Variants in TCF7L1 observed in about 807,000 individuals in gnomAD.
The protein encoded by TCF7L1 is transcription factor 7 like 1.
Under a neutral mutation model 63.7 loss-of-function variants are expected in TCF7L1, and 18 were observed. The observed-to-expected ratio is 0.28, with a 90% confidence interval of 0.20 to 0.42. The LOEUF (loss-of-function observed/expected upper bound fraction) is 0.42. Among genes scored for constraint, TCF7L1 ranks in the 10% least tolerant of loss-of-function variants. TCF7L1 has a pLI of 1.00. For synonymous variants in TCF7L1, 355 were observed against 340.9 expected, an observed-to-expected ratio of 1.04 and a Z score of -0.46; for missense variants, 654 against 779.3, an observed-to-expected ratio of 0.84 and a Z score of 1.91.
intron 3 of TCF7L1, among the ~76,000 whole-genome samples, chr2:85,204,766 G>GAT (rs893428931): frequency 6.6e-6 from 1 of 152,042 alleles, no homozygotes; most frequent in African/African-American, 2.4e-5. Context: ...GTATGGGAGT[G>GAT]ATACCCTTGC....
chr2:85,209,154 T>G (rs1308200130), intron 3 of TCF7L1, among the ~76,000 whole-genome samples: 6 of 110,340 alleles, frequency 5.4e-5, no homozygotes, highest in Non-Finnish European at 9.9e-5. Context: ...TAGAACCAGC[T>G]GGCCTTCGTT....
At chr2:85,266,064 CAT>C (rs1558650878) in intron 3 of TCF7L1, among the ~76,000 whole-genome samples, 1 of 152,150 alleles carries the variant, frequency 6.6e-6, no homozygotes, top group Non-Finnish European at 1.5e-5. Context: ...GGTGGAAATA[CAT>C]GTTTCGTATC....
chr2:85,192,098 G>A (rs1679047030), intron 3 of TCF7L1, among the ~76,000 whole-genome samples: 1 of 152,238 alleles, frequency 6.6e-6, no homozygotes, highest in Admixed American at 6.5e-5. Context: ...CCCTGTGCCT[G>A]ATGGCAGGTG....
In TCF7L1 at chr2:85,302,536, C is replaced by T. The variant is rs1312991639; in HGVS notation, c.578C>T (p.Pro193Leu). Residue 193 changes from proline (P) to leucine (L), a missense_variant, in exon 5 of 12, where the codon CCC (proline) becomes CTC (leucine). This residue lies in a region of TCF7L1 where 404 missense variants were observed against 454.8 expected (regional missense o/e 0.89). Transcript: ENST00000282111. ...QHPHHMHPLT[P>L]LITYSNDHFS... ...CCGCATCACATGCATCCGCTGACTC[C>T]CCTCATCACCTACAGCAATGACCAC... 6.2e-7 allele frequency: 1 copy of T among 1,614,078 alleles called. No individual in the cohort carries two copies. Among genetic ancestry groups the T allele is most frequent in the Non-Finnish European group, 8.5e-7 (1 of 1,180,046 alleles).
At chr2:85,245,910 C>T (rs1056600851) in intron 3 of TCF7L1, among the ~76,000 whole-genome samples, 9 of 151,906 alleles carry the variant, frequency 5.9e-5, no homozygotes, top group African/African-American at 2.2e-4. Context: ...TAAAGGATGG[C>T]CATGTCCTTC....
chr2:85,199,286 G>C (rs72840132), intron 3 of TCF7L1, among the ~76,000 whole-genome samples: 5,921 of 152,178 alleles, frequency 0.039, 147 homozygotes, highest in Middle Eastern at 0.054. Flanking sequence ...AAGATTCTCT[G>C]TCTATAAAAT....
chr2:85,250,119 A>G (rs1325521095), intron 3 of TCF7L1, among the ~76,000 whole-genome samples: 2 of 152,206 alleles, frequency 1.3e-5, no homozygotes, highest in African/African-American at 4.8e-5. Flanking sequence ...GTACTGGTAA[A>G]TATTTAACAG....
rs1311087659 is a variant in TCF7L1, at chr2:85,133,653, C to T, written c.-32C>T. ...GCAGGGCGCGGGCGGCTAGGGGCTC[C>T]GAGAGCGGCGGCCCCGGCCCGCGGC... On this transcript the variant is annotated 5_prime_UTR_variant, in exon 1 of 12. Transcript: ENST00000282111. The surrounding 1 kb of genome is among the most constrained non-coding windows in gnomAD (Gnocchi z 4.4). 1 of 898,184 alleles carries T rather than the reference C, an allele frequency of 1.1e-6. No homozygotes were observed. Among genetic ancestry groups the T allele is most frequent in the African/African-American group, 1.8e-5 (1 of 55,166 alleles). 55.6% of individuals were successfully genotyped at this position (898,184 alleles called of 1,614,324 possible).
At chr2:85,153,340 A>ATTTTC (rs1678065430) in intron 3 of TCF7L1, among the ~76,000 whole-genome samples, 1 of 102,308 alleles carries the variant, frequency 9.8e-6, no homozygotes, top group Non-Finnish European at 1.8e-5. Flanking sequence ...GCCTTTATAA[A>ATTTTC]TTTTTTTTTT....
chr2:85,238,397 C>T (rs1294285628), intron 3 of TCF7L1, among the ~76,000 whole-genome samples: 2 of 152,148 alleles, frequency 1.3e-5, no homozygotes, highest in African/African-American at 4.8e-5. Context: ...CTTCAGCTGC[C>T]TTATCTGCAA....
At chr2:85,201,580 A>G (rs1044940005) in intron 3 of TCF7L1, among the ~76,000 whole-genome samples, 10 of 152,232 alleles carry the variant, frequency 6.6e-5, no homozygotes, top group Admixed American at 2.0e-4. Flanking sequence ...GGATCTACAA[A>G]GTTCAAACCT....
Position 85,247,075 on chromosome 2 carries a change from A to C in TCF7L1, c.442-36420A>C, listed in dbSNP as rs142020773. Among the ~76,000 whole-genome samples, 458 of 152,286 alleles carry C rather than the reference A, an allele frequency of 3.0e-3. 5 individuals are homozygous for C. Among genetic ancestry groups the C allele is most frequent in the African/African-American group, 0.01 (424 of 41,568 alleles). ...TTTGCCCCACTGGGTTTGCATCCCT[A>C]CAAGAAGCCCCCTCTGTCTTTTTGC... On this transcript the variant is annotated intron_variant, in intron 3 of 11. Transcript: ENST00000282111.
intron 3 of TCF7L1, among the ~76,000 whole-genome samples, chr2:85,145,757 TC>T (rs1677866564): frequency 6.6e-6 from 1 of 152,224 alleles, no homozygotes; most frequent in South Asian, 2.1e-4. Flanking sequence ...CCAGCTGCAC[TC>T]TACAGTGGTA....
intron 3 of TCF7L1, among the ~76,000 whole-genome samples, chr2:85,192,634 C>G (rs1355294339): frequency 6.6e-6 from 1 of 151,592 alleles, no homozygotes; most frequent in Admixed American, 6.6e-5. Context: ...CCATCTGCCT[C>G]GGCCTCCCAG....
At chr2:85,184,189 A>T (rs1230353116) in intron 3 of TCF7L1, among the ~76,000 whole-genome samples, 1 of 152,212 alleles carries the variant, frequency 6.6e-6, no homozygotes, top group Non-Finnish European at 1.5e-5. Context: ...CATGTGGGTT[A>T]GAAATCTGGA....
At chr2:85,278,599 G>GC (rs1238490623) in intron 3 of TCF7L1, among the ~76,000 whole-genome samples, 5 of 152,148 alleles carry the variant, frequency 3.3e-5, no homozygotes, top group African/African-American at 1.2e-4. Context: ...AGAGAAAAAT[G>GC]CAACAACTGC....
rs575362698 is a variant in TCF7L1 at position 85,185,451 on chromosome 2, G to C, written c.441+51001G>C. Among the ~76,000 whole-genome samples the C allele has an allele frequency of 3.3e-5, 5 of 152,154 alleles. No individual in the cohort carries two copies. In the South Asian group the frequency reaches 1.0e-3, roughly 32 times the overall value. ...TCACGTCTTACAGAAGAGGAAATGG[G>C]AGGCACAGAGAAGAGAGAGGTTAAA... is the stretch of plus-strand genomic sequence containing the variant. On this transcript the variant is annotated intron_variant, in intron 3 of 11. Transcript: ENST00000282111.
At chr2:85,262,380 C>T (rs978961134) in intron 3 of TCF7L1, 9 of 411,778 alleles carry the variant, frequency 2.2e-5, no homozygotes, top group Non-Finnish European at 4.4e-5. Context: ...ATCAAGACAC[C>T]GTCTCTTAAA....
chr2:85,290,839 A>C (rs1328627721), intron 4 of TCF7L1, among the ~76,000 whole-genome samples: 1 of 152,200 alleles, frequency 6.6e-6, no homozygotes, highest in Admixed American at 6.5e-5. Context: ...ATTCAATTTA[A>C]TGCTCAAGAA....
Sources: allele counts gnomAD v4.1 joint callset (sites outside exome capture counted in the v4.1 genomes callset), GRCh38; gene constraint gnomAD v4.1.1; regional missense constraint gnomAD v4.1.1; non-coding constraint Gnocchi (gnomAD v3.1); transcripts MANE v1.5; gene names NCBI Gene and HGNC (gene_info 2026-07-23, HGNC 2026-07-21).